The following PRELID2 variants were observed in gnomAD, a reference collection of about 807,000 sequenced individuals.
PRELID2 encodes PRELI domain containing 2, also known as PRELI domain-containing protein 2.
In PRELID2, 25 loss-of-function variants were observed where a neutral mutation model predicts 28.4. The observed-to-expected ratio is 0.88, with a 90% confidence interval of 0.64 to 1.23. The LOEUF is 1.23. PRELID2 is among the 50% of genes most tolerant of loss of function. The pLI is 0.00. For missense variants in PRELID2, 201 were observed against 214.4 expected, an observed-to-expected ratio of 0.94 and a Z score of 0.39; for synonymous variants, 76 against 71.6, an observed-to-expected ratio of 1.06 and a Z score of -0.31.
At chr5:145,435,807 A>T in the PRELID2 span, among the ~76,000 whole-genome samples, 1 of 152,198 alleles carries the variant, frequency 6.6e-6, no homozygotes, top group Non-Finnish European at 1.5e-5. Flanking sequence ...GAGTTTTGAA[A>T]TCAGGTCTTG....
intron 1 of PRELID2, among the ~76,000 whole-genome samples, chr5:145,732,083 G>A (rs994880401): frequency 3.9e-5 from 6 of 152,148 alleles, no homozygotes; most frequent in African/African-American, 7.2e-5. Flanking sequence ...ATAGGTGCTC[G>A]AAATCTGAAG....
intron 1 of PRELID2, among the ~76,000 whole-genome samples, chr5:145,745,370 G>T (rs1756961595): frequency 6.6e-6 from 1 of 152,072 alleles, no homozygotes; most frequent in Admixed American, 6.6e-5. Context: ...ACACCACTAA[G>T]ATATTCCATA....
At chr5:145,656,170 G>A (rs1049564660) in intron 1 of PRELID2, among the ~76,000 whole-genome samples, 29 of 152,072 alleles carry the variant, frequency 1.9e-4, no homozygotes, top group Admixed American at 3.9e-4. Context: ...ATCACTGGCC[G>A]TCAGAGAAAT....
At chr5:145,678,683 C>G (rs1036078512) in intron 1 of PRELID2, among the ~76,000 whole-genome samples, 2 of 152,026 alleles carry the variant, frequency 1.3e-5, no homozygotes, top group African/African-American at 4.8e-5. Flanking sequence ...GTGTTTAGTA[C>G]CACTAGGTAA....
At chr5:145,685,997 G>A (rs988407628) in intron 1 of PRELID2, among the ~76,000 whole-genome samples, 2 of 152,150 alleles carry the variant, frequency 1.3e-5, no homozygotes, top group Non-Finnish European at 2.9e-5. Context: ...TTTGTCATGG[G>A]TTTCCCATGT....
At chr5:145,262,565 A>C in the PRELID2 span, among the ~76,000 whole-genome samples, 1 of 152,200 alleles carries the variant, frequency 6.6e-6, no homozygotes, top group Non-Finnish European at 1.5e-5. Flanking sequence ...CTATCAGCCA[A>C]GAATTATATA....
chr5:145,398,182 G>C, the PRELID2 span, among the ~76,000 whole-genome samples: 4 of 151,984 alleles, frequency 2.6e-5, no homozygotes, highest in Non-Finnish European at 5.9e-5. Context: ...TACTCCCTGG[G>C]ATCCCTCAGG....
the PRELID2 span, among the ~76,000 whole-genome samples, chr5:145,307,684 TG>T: frequency 1.3e-5 from 2 of 152,122 alleles, no homozygotes; most frequent in South Asian, 4.1e-4. Context: ...CCCACCAGTT[TG>T]GCTGTGGGCA....
intron 1 of PRELID2, among the ~76,000 whole-genome samples, chr5:145,533,254 T>G (rs1752668942): frequency 6.6e-6 from 1 of 152,034 alleles, no homozygotes; most frequent in Non-Finnish European, 1.5e-5. Context: ...CCTAATGACT[T>G]GGGGAGATCT....
At chr5:145,790,051 T>C (rs910727935) in intron 5 of PRELID2, among the ~76,000 whole-genome samples, 8 of 152,162 alleles carry the variant, frequency 5.3e-5, no homozygotes, top group African/African-American at 1.9e-4. Flanking sequence ...TTGGTGGAAA[T>C]GTAAATTGGT....
the PRELID2 span, among the ~76,000 whole-genome samples, chr5:145,308,868 A>G: frequency 2.6e-5 from 4 of 152,162 alleles, no homozygotes; most frequent in African/African-American, 7.2e-5. Context: ...CCTTGATGCT[A>G]TCAACATTTT....
the PRELID2 span, among the ~76,000 whole-genome samples, chr5:145,257,869 G>A: frequency 2.0e-5 from 3 of 152,134 alleles, no homozygotes; most frequent in Non-Finnish European, 4.4e-5. Context: ...AGTGTTGGAG[G>A]TGGGGCCTGG....
chr5:145,529,205 G>C (rs773295286), intron 1 of PRELID2, among the ~76,000 whole-genome samples: 15 of 152,306 alleles, frequency 9.8e-5, no homozygotes, highest in Non-Finnish European at 1.8e-4. Context: ...AGAAAAATAT[G>C]AAAATCTGAA....
chr5:145,719,000 G>A (rs1755915402), intron 1 of PRELID2, among the ~76,000 whole-genome samples: 1 of 152,024 alleles, frequency 6.6e-6, no homozygotes. Flanking sequence ...GGCATCAAAT[G>A]TAAAGAGTTC....
intron 1 of PRELID2, among the ~76,000 whole-genome samples, chr5:145,648,911 T>G (rs551444624): frequency 6.6e-6 from 1 of 152,018 alleles, no homozygotes; most frequent in South Asian, 2.1e-4. Context: ...ATGGTTCAAT[T>G]TCTGATTTTT....
chr5:145,414,116 A>G, the PRELID2 span, among the ~76,000 whole-genome samples: 1 of 151,998 alleles, frequency 6.6e-6, no homozygotes, highest in Non-Finnish European at 1.5e-5. Context: ...GGATATGGGA[A>G]CTCTCTTGAA....
At chr5:145,568,804 T>C (rs1277036169) in intron 1 of PRELID2, among the ~76,000 whole-genome samples, 1 of 152,206 alleles carries the variant, frequency 6.6e-6, no homozygotes, top group Non-Finnish European at 1.5e-5. Flanking sequence ...AGCACAATAC[T>C]ACTCTCAAAG....
the PRELID2 span, among the ~76,000 whole-genome samples, chr5:145,431,006 G>GT: frequency 0.43 from 23,952 of 55,388 alleles, 7,690 homozygotes; most frequent in Non-Finnish European, 0.55. Context: ...CCTGGCAATG[G>GT]TTTTTTTTTT....
intron 1 of PRELID2, among the ~76,000 whole-genome samples, chr5:145,503,988 C>A (rs1307235370): frequency 6.6e-6 from 1 of 152,170 alleles, no homozygotes; most frequent in Non-Finnish European, 1.5e-5. Flanking sequence ...GTAGTAAGTT[C>A]TTATTCCCAT....
Sources: gnomAD v4.1 joint callset for allele counts (sites outside exome capture counted in the v4.1 genomes callset) on GRCh38, gnomAD v4.1.1 for gene constraint, MANE v1.5 for transcripts, NCBI Gene and HGNC (gene_info 2026-07-23, HGNC 2026-07-21) for gene names.